The following CEP63 variants were observed in gnomAD, a reference collection of about 807,000 sequenced individuals.
CEP63 encodes the protein centrosomal protein of 63 kDa.
CEP63 carries 84 observed loss-of-function variants against 89.1 expected under a neutral mutation model. That is an observed-to-expected ratio of 0.94 (90% CI 0.79 to 1.13). The LOEUF is 1.13. CEP63 is among the 50% of genes most tolerant of loss of function. CEP63 has a pLI of 0.00. For synonymous variants in CEP63, 267 were observed against 272.5 expected, an observed-to-expected ratio of 0.98 and a Z score of 0.20; for missense variants, 838 against 813.3, an observed-to-expected ratio of 1.03 and a Z score of -0.37.
At chr3:134,763,824 T>A in the CEP63 span, among the ~76,000 whole-genome samples, 1 of 152,228 alleles carries the variant, frequency 6.6e-6, no homozygotes, top group Non-Finnish European at 1.5e-5. Flanking sequence ...CAGTGAATGC[T>A]CTTCAGGCTC....
chr3:134,732,294 C>A, the CEP63 span, among the ~76,000 whole-genome samples: 1 of 152,134 alleles, frequency 6.6e-6, no homozygotes, highest in African/African-American at 2.4e-5. Context: ...AATAAAAATT[C>A]TCCTCCTAAC....
chr3:134,655,200 G>A, the CEP63 span, among the ~76,000 whole-genome samples: 1 of 152,156 alleles, frequency 6.6e-6, no homozygotes, highest in Non-Finnish European at 1.5e-5. Context: ...CCTGCTCTGG[G>A]GAAGGTCTCA....
chr3:134,726,816 G>A, the CEP63 span, among the ~76,000 whole-genome samples: 1 of 152,180 alleles, frequency 6.6e-6, no homozygotes, highest in Non-Finnish European at 1.5e-5. Flanking sequence ...TCAGATTCCT[G>A]CGGCTCCTGT....
chr3:134,588,336 T>C (rs1385226974), downstream of CEP63, among the ~76,000 whole-genome samples: 1 of 152,178 alleles, frequency 6.6e-6, no homozygotes, highest in African/African-American at 2.4e-5. Flanking sequence ...ATTAAACATA[T>C]GTTGAGACAC....
At chr3:134,705,634 TCTTGTCAC>T in the CEP63 span, among the ~76,000 whole-genome samples, 1 of 152,232 alleles carries the variant, frequency 6.6e-6, no homozygotes, top group Non-Finnish European at 1.5e-5. Context: ...TGATTCTCTT[TCTTGTCAC>T]CTTGGTGAGT....
At chr3:134,721,905 A>T in the CEP63 span, among the ~76,000 whole-genome samples, 1 of 152,108 alleles carries the variant, frequency 6.6e-6, no homozygotes, top group African/African-American at 2.4e-5. Flanking sequence ...ATCTATATTT[A>T]TAAGAGATCT....
intron 10 of CEP63, among the ~76,000 whole-genome samples, chr3:134,580,611 T>C (rs1958323007): frequency 6.6e-6 from 1 of 152,166 alleles, no homozygotes; most frequent in Non-Finnish European, 1.5e-5. Flanking sequence ...AAAAAAGAAA[T>C]TTATGGACAA....
intron 3 of CEP63, among the ~76,000 whole-genome samples, chr3:134,520,716 G>A (rs749506273): frequency 1.2e-4 from 18 of 152,124 alleles, no homozygotes; most frequent in Admixed American, 1.3e-4. Flanking sequence ...AAAGAGTCCC[G>A]TAACAGAGAT....
At chr3:134,721,982 T>A in the CEP63 span, among the ~76,000 whole-genome samples, 11 of 152,162 alleles carry the variant, frequency 7.2e-5, no homozygotes, top group African/African-American at 2.4e-4. Flanking sequence ...TAACATTGGC[T>A]TCATAGAATG....
chr3:134,496,230 A>C (rs1287172864), intron 2 of CEP63, among the ~76,000 whole-genome samples: 1 of 152,266 alleles, frequency 6.6e-6, no homozygotes, highest in East Asian at 1.9e-4. Flanking sequence ...AGCTACATGG[A>C]GTTCCCAAGG....
the CEP63 span, among the ~76,000 whole-genome samples, chr3:134,732,736 C>T: frequency 3.9e-5 from 6 of 152,050 alleles, no homozygotes; most frequent in Admixed American, 1.3e-4. Context: ...AAAGCAAAAA[C>T]TTAAAACTGT....
At chr3:134,517,975 A>G (rs940656320) in intron 3 of CEP63, among the ~76,000 whole-genome samples, 1 of 152,204 alleles carries the variant, frequency 6.6e-6, no homozygotes. Context: ...AAGTGATATG[A>G]CATGAGAAAA....
chr3:134,627,640 G>T, the CEP63 span: 1 of 839,808 alleles, frequency 1.2e-6, no homozygotes, highest in Non-Finnish European at 2.0e-6. Context: ...GAACCCAAAG[G>T]TGGCCCCAGC....
chr3:134,527,371 T>C (rs1458371680), intron 3 of CEP63, among the ~76,000 whole-genome samples: 1 of 152,150 alleles, frequency 6.6e-6, no homozygotes, highest in Non-Finnish European at 1.5e-5. Context: ...TCTGTTATTC[T>C]CTGTGCCTAG....
chr3:134,566,448 A>G (rs1040942752), downstream of CEP63, among the ~76,000 whole-genome samples: 5 of 152,318 alleles, frequency 3.3e-5, no homozygotes, highest in African/African-American at 9.6e-5. Flanking sequence ...ATTAAAAACC[A>G]TAGCTTTAGG....
chr3:134,547,269 C>CTA, intron 8 of CEP63, 66 bp from the exon 9 acceptor site: 1 of 1,455,852 alleles, frequency 6.9e-7, no homozygotes, highest in African/African-American at 1.4e-5. Context: ...GAAACACAGA[C>CTA]TAGATGAGCA....
At chr3:134,659,810 CG>C in the CEP63 span, among the ~76,000 whole-genome samples, 1 of 152,140 alleles carries the variant, frequency 6.6e-6, no homozygotes, top group Non-Finnish European at 1.5e-5. Context: ...AGGGGCCTGG[CG>C]GGAGGATGTT....
chr3:134,745,265 T>C, the CEP63 span, among the ~76,000 whole-genome samples: 1 of 152,238 alleles, frequency 6.6e-6, no homozygotes, highest in African/African-American at 2.4e-5. Context: ...GTTTTGTGTA[T>C]GTTGTCTGGA....
chr3:134,711,603 T>C, the CEP63 span, among the ~76,000 whole-genome samples: 1 of 152,198 alleles, frequency 6.6e-6, no homozygotes, highest in African/African-American at 2.4e-5. Context: ...AAAATGTCTT[T>C]ATTGGTAACT....
Sources: gnomAD v4.1 joint callset for allele counts (sites outside exome capture counted in the v4.1 genomes callset) on GRCh38, gnomAD v4.1.1 for gene constraint, MANE v1.5 for transcripts, NCBI Gene and HGNC (gene_info 2026-07-23, HGNC 2026-07-21) for gene names.